The following SLC9A9 variants were observed in gnomAD, a reference collection of about 807,000 sequenced individuals.
SLC9A9 encodes sodium/hydrogen exchanger 9.
A neutral mutation model predicts 77.8 loss-of-function variants in SLC9A9; 62 were observed. The ratio of observed to expected loss-of-function variants is 0.80; its 90% CI spans 0.65 to 0.98. The LOEUF is 0.98. SLC9A9 is among the 50% of genes least tolerant of loss of function. SLC9A9 has a pLI of 0.00. For missense variants in SLC9A9, 775 were observed against 774.9 expected, an observed-to-expected ratio of 1.00 and a Z score of 0.00; for synonymous variants, 320 against 283.5, an observed-to-expected ratio of 1.13 and a Z score of -1.29.
At position 143,266,045 on chromosome 3, in the gene SLC9A9, G is replaced by T. The variant is rs1459683502; in HGVS notation, c.*657C>A. The stretch of plus-strand genomic sequence containing the variant: ...AAAGTGGTGCTGCATTTAGGGCAGG[G>T]CACACCCAGCCATAGGCAACCCCTT... On this transcript the variant is annotated 3_prime_UTR_variant, in exon 16 of 16. Transcript: ENST00000316549. The T allele has an allele frequency of 1.4e-6, 1 of 702,254 alleles. No individual in the cohort carries two copies. The highest frequency in any genetic ancestry group is 2.6e-6 in the Non-Finnish European group (1 of 384,788). The allele number at this position is 702,254 out of a possible 1,614,324, so 43.5% of individuals were successfully genotyped here. A position where few individuals can be genotyped will look rare whatever the true frequency, so the allele number is the denominator to read the frequency against.
Position 143,825,062 on chromosome 3 carries a change from A to C in SLC9A9, c.378+6957T>G, listed in dbSNP as rs547465673. 2.0e-5 allele frequency among the ~76,000 whole-genome samples: 3 copies of C among 152,328 alleles called. No individual in the cohort carries two copies. In the East Asian group the frequency reaches 5.8e-4, roughly 29 times the overall value. ...CCTATTCTCTGTTGAAAGGAAGAAT[A>C]ATTGATAGTATCCTACAAATGCTTC... On this transcript the variant is annotated intron_variant, in intron 2 of 15. Coordinates refer to ENST00000316549, the MANE Select transcript of SLC9A9 (RefSeq NM_173653.4).
chr3:143,516,728 A>G (rs1460627785), intron 9 of SLC9A9, among the ~76,000 whole-genome samples: 3 of 152,222 alleles, frequency 2.0e-5, no homozygotes, highest in Non-Finnish European at 1.5e-5. Flanking sequence ...TTATTAAAGT[A>G]GTAGTGTATT....
intron 9 of SLC9A9, among the ~76,000 whole-genome samples, chr3:143,510,041 G>C (rs1054808380): frequency 6.6e-6 from 1 of 152,114 alleles, no homozygotes; most frequent in Admixed American, 6.5e-5. Flanking sequence ...ATTGATATTT[G>C]TAATTGCATA....
intron 11 of SLC9A9, among the ~76,000 whole-genome samples, chr3:143,488,829 A>G (rs2035695809): frequency 6.6e-6 from 1 of 152,020 alleles, no homozygotes; most frequent in South Asian, 2.1e-4. Context: ...AAGGTCAGGA[A>G]TAAGACAAAA....
intron 11 of SLC9A9, among the ~76,000 whole-genome samples, chr3:143,475,733 A>G (rs935444177): frequency 3.6e-4 from 54 of 151,302 alleles, no homozygotes; most frequent in African/African-American, 1.3e-3. Flanking sequence ...CAGAGCTTGC[A>G]GTAAGCTGAG....
chr3:143,393,665 G>A lies in SLC9A9; in HGVS notation c.1470-11551C>T, dbSNP rs562846976. On this transcript the variant is annotated intron_variant, in intron 12 of 15. Transcript: ENST00000316549. ...CAAAAAATCAATGAATACAGGAGCT[G>A]GTTTTTTGAAAAGATCAACAAAATT... is the stretch of plus-strand genomic sequence containing the variant. Among the ~76,000 whole-genome samples the A allele has an allele frequency of 2.3e-3, 347 of 152,150 alleles. 1 individual carries two copies. The highest frequency in any genetic ancestry group is 8.0e-3 in the African/African-American group (332 of 41,490).
intron 12 of SLC9A9, among the ~76,000 whole-genome samples, chr3:143,437,836 A>G (rs933770408): frequency 6.6e-6 from 1 of 152,234 alleles, no homozygotes; most frequent in African/African-American, 2.4e-5. Context: ...CAAGAGCAAG[A>G]CTATAAACTT....
intron 12 of SLC9A9, among the ~76,000 whole-genome samples, chr3:143,458,946 G>A (rs1428132331): frequency 6.6e-6 from 1 of 151,948 alleles, no homozygotes; most frequent in African/African-American, 2.4e-5. Flanking sequence ...GGTGAAAAAT[G>A]TCATACTTTT....
intron 12 of SLC9A9, among the ~76,000 whole-genome samples, chr3:143,422,401 T>C (rs951428627): frequency 2.5e-4 from 38 of 152,208 alleles, no homozygotes; most frequent in Non-Finnish European, 8.8e-5. Context: ...ATATACACTA[T>C]AGAATATTAT....
intron 13 of SLC9A9, among the ~76,000 whole-genome samples, chr3:143,364,451 G>C (rs539797787): frequency 6.6e-6 from 1 of 152,254 alleles, no homozygotes; most frequent in African/African-American, 2.4e-5. Context: ...TGTGTCATGA[G>C]TTGCAGTCTG....
rs1056242077 is a variant in SLC9A9 at position 143,395,305 on chromosome 3, C to T, written c.1470-13191G>A. Among the ~76,000 whole-genome samples the T allele has an allele frequency of 8.4e-4, 128 of 152,140 alleles. 1 individual carries two copies. The highest frequency in any genetic ancestry group is 1.6e-3 in the Non-Finnish European group (109 of 68,028). On this transcript the variant is annotated intron_variant, in intron 12 of 15. Transcript: ENST00000316549. The stretch of plus-strand genomic sequence containing the variant: ...TCAGAAATAAACCACACATCTATAG[C>T]CATCTGATCTTGGACAAACCTGACA...
intron 6 of SLC9A9, among the ~76,000 whole-genome samples, chr3:143,650,692 TA>T: frequency 6.6e-6 from 1 of 152,352 alleles, no homozygotes; most frequent in Middle Eastern, 3.4e-3. Flanking sequence ...AGATTTCAGC[TA>T]GAATGGCAAC....
chr3:143,730,011 C>T (rs1335959505), intron 4 of SLC9A9, among the ~76,000 whole-genome samples: 1 of 152,170 alleles, frequency 6.6e-6, no homozygotes, highest in African/African-American at 2.4e-5. Context: ...AGTACAGAGC[C>T]TGATATCCAT....
intron 8 of SLC9A9, among the ~76,000 whole-genome samples, chr3:143,566,315 T>C (rs2037167385): frequency 6.6e-6 from 1 of 152,158 alleles, no homozygotes; most frequent in Non-Finnish European, 1.5e-5. Context: ...TTGAGGCCAA[T>C]AGGAGAACAG....
chr3:143,814,434 C>T (rs560091220), intron 2 of SLC9A9, among the ~76,000 whole-genome samples: 17 of 151,958 alleles, frequency 1.1e-4, no homozygotes, highest in Non-Finnish European at 2.1e-4. Context: ...AGTGGCCCTA[C>T]CAGGGAGAGA....
intron 14 of SLC9A9, among the ~76,000 whole-genome samples, chr3:143,307,993 C>A (rs531585512): frequency 6.6e-6 from 1 of 152,290 alleles, no homozygotes; most frequent in East Asian, 1.9e-4. Context: ...TGCCATGTGA[C>A]CCATGAGCAC....
At chr3:143,717,245 T>C (rs549639797) in intron 4 of SLC9A9, among the ~76,000 whole-genome samples, 20 of 152,348 alleles carry the variant, frequency 1.3e-4, no homozygotes, top group South Asian at 6.2e-4. Context: ...GCTGAGATTA[T>C]GAATTCTAAT....
intron 9 of SLC9A9, chr3:143,503,199 G>A (rs568208906): frequency 3.7e-4 from 72 of 192,108 alleles, no homozygotes; most frequent in Middle Eastern, 2.0e-3. Context: ...TGGTTGGGGG[G>A]TACTAAGTGG....
At chr3:143,472,497 T>G (rs1040392486) in intron 11 of SLC9A9, among the ~76,000 whole-genome samples, 4 of 152,218 alleles carry the variant, frequency 2.6e-5, no homozygotes, top group South Asian at 2.1e-4. Context: ...AAAACTTCAC[T>G]GAATTCCAAG....
Sources: allele counts gnomAD v4.1 joint callset (sites outside exome capture counted in the v4.1 genomes callset), GRCh38; gene constraint gnomAD v4.1.1; transcripts MANE v1.5; gene names NCBI Gene and HGNC (gene_info 2026-07-23, HGNC 2026-07-21).